The following THSD7A variants were observed in gnomAD, a reference collection of about 807,000 sequenced individuals.
The protein encoded by THSD7A is thrombospondin type-1 domain-containing protein 7A.
A neutral mutation model predicts 231.3 loss-of-function variants in THSD7A; 96 were observed. The ratio of observed to expected loss-of-function variants is 0.41; its 90% CI spans 0.35 to 0.49. The LOEUF (loss-of-function observed/expected upper bound fraction) is 0.49. Among genes scored for constraint, THSD7A ranks in the 20% least tolerant of loss-of-function variants. The pLI is 0.05. For missense variants in THSD7A, 2,290 were observed against 2,070.2 expected (o/e 1.11, Z -2.06); for synonymous variants, 940 against 743.3 (o/e 1.26, Z -4.30).
intron 1 of THSD7A, among the ~76,000 whole-genome samples, chr7:11,807,323 G>T (rs1277831203): frequency 1.3e-5 from 2 of 152,050 alleles, no homozygotes; most frequent in Non-Finnish European, 2.9e-5. Flanking sequence ...TTTCAAACTG[G>T]CTGTTAGCTA....
intron 6 of THSD7A, among the ~76,000 whole-genome samples, chr7:11,508,045 G>A (rs1787629927): frequency 6.6e-6 from 1 of 152,110 alleles, no homozygotes; most frequent in Admixed American, 6.5e-5. Context: ...GAGAGAGAGA[G>A]CAGGAAAAAC....
At chr7:11,458,912 G>T (rs1785401759) in intron 11 of THSD7A, among the ~76,000 whole-genome samples, 3 of 152,166 alleles carry the variant, frequency 2.0e-5, no homozygotes, top group Admixed American at 2.0e-4. Context: ...AACGTTTAAT[G>T]AAGACAGCAT....
At chr7:11,692,012 T>C (rs1056464939) in intron 1 of THSD7A, among the ~76,000 whole-genome samples, 1 of 151,640 alleles carries the variant, frequency 6.6e-6, no homozygotes, top group African/African-American at 2.4e-5. Flanking sequence ...ACTCCAATCA[T>C]AAAGACTGTG....
rs2128359259 is a variant in THSD7A at position 11,634,410 on chromosome 7, TGATAGCAGGAAAC to T, written c.1022+1707_1022+1719del. ...AAATGTCTACAGCATGCTAACCCAG[TGATAGCAGGAAAC>T]AACTCAACTTGTCTTGGAGACTCAT... On this transcript the variant is annotated intron_variant, in intron 2 of 27. Transcript: ENST00000423059. The surrounding 1 kb of genome is among the most constrained non-coding windows in gnomAD (Gnocchi z 4.1). Among the ~76,000 whole-genome samples, 1 of 152,192 alleles carries T rather than the reference TGATAGCAGGAAAC, an allele frequency of 6.6e-6. No individual in the cohort carries two copies. Among genetic ancestry groups the T allele is most frequent in the African/African-American group, 2.4e-5 (1 of 41,538 alleles).
chr7:11,511,604 G>C (rs1247083833), intron 6 of THSD7A, among the ~76,000 whole-genome samples: 1 of 152,098 alleles, frequency 6.6e-6, no homozygotes, highest in Non-Finnish European at 1.5e-5. Flanking sequence ...CAATGGAACA[G>C]AACAGAGCCC....
At chr7:11,722,449 T>C (rs537260719) in intron 1 of THSD7A, among the ~76,000 whole-genome samples, 1 of 151,896 alleles carries the variant, frequency 6.6e-6, no homozygotes, top group Admixed American at 6.6e-5. Context: ...TTTCTTAGAC[T>C]TTTGCATTCT....
At chr7:11,597,951 G>A (rs1313013122) in intron 2 of THSD7A, among the ~76,000 whole-genome samples, 1 of 152,160 alleles carries the variant, frequency 6.6e-6, no homozygotes, top group Non-Finnish European at 1.5e-5. Context: ...CCTATGATCA[G>A]TTGACAGAGG....
At chr7:11,829,659 T>C (rs1214134605) in intron 1 of THSD7A, among the ~76,000 whole-genome samples, 1 of 152,188 alleles carries the variant, frequency 6.6e-6, no homozygotes, top group East Asian at 1.9e-4. Flanking sequence ...CTCTTTATTT[T>C]CATCAAGTGA....
chr7:11,784,600 T>C lies in THSD7A; in HGVS notation c.190+47157A>G, dbSNP rs1783729494. On this transcript the variant is annotated intron_variant, in intron 1 of 27. Coordinates refer to ENST00000423059, the MANE Select transcript of THSD7A (RefSeq NM_015204.3). The stretch of plus-strand genomic sequence containing the variant: ...TGAATTATTACTATTTTTTCTAGGT[T>C]TATTTATTTTCCTTTCAAATGTACT... Among the ~76,000 whole-genome samples the C allele has an allele frequency of 2.0e-5, 3 of 152,040 alleles. No homozygotes were observed. The South Asian group carries it at 6.2e-4, about 31-fold the overall frequency.
At chr7:11,437,710 T>A (rs1784678898) in intron 13 of THSD7A, among the ~76,000 whole-genome samples, 1 of 152,068 alleles carries the variant, frequency 6.6e-6, no homozygotes, top group Non-Finnish European at 1.5e-5. Context: ...TAATTAAACA[T>A]GTTCTTCCTC....
intron 23 of THSD7A, among the ~76,000 whole-genome samples, chr7:11,392,808 C>T (rs1050442447): frequency 4.6e-5 from 7 of 152,184 alleles, no homozygotes; most frequent in African/African-American, 1.7e-4. Context: ...TCTGCAAAGC[C>T]CTTGTAGCCA....
intron 4 of THSD7A, among the ~76,000 whole-genome samples, chr7:11,569,323 C>G (rs1005106698): frequency 6.6e-6 from 1 of 152,010 alleles, no homozygotes; most frequent in Non-Finnish European, 1.5e-5. Flanking sequence ...AGGAACTCAA[C>G]TGCAATAATA....
intron 6 of THSD7A, among the ~76,000 whole-genome samples, chr7:11,539,071 G>A (rs1460136794): frequency 6.6e-6 from 1 of 152,116 alleles, no homozygotes; most frequent in Non-Finnish European, 1.5e-5. Flanking sequence ...ATGTATAGCT[G>A]CAGCCCAGGC....
At chr7:11,393,441 A>C (rs1333262724) in intron 23 of THSD7A, among the ~76,000 whole-genome samples, 1 of 152,210 alleles carries the variant, frequency 6.6e-6, no homozygotes, top group African/African-American at 2.4e-5. Context: ...CCAAAAACCC[A>C]AATGCTTCCT....
At chr7:11,789,122 C>A (rs566245654) in intron 1 of THSD7A, among the ~76,000 whole-genome samples, 1 of 151,798 alleles carries the variant, frequency 6.6e-6, no homozygotes, top group Admixed American at 6.6e-5. Flanking sequence ...TATACCCAGT[C>A]CCCCAAAGAT....
intron 1 of THSD7A, among the ~76,000 whole-genome samples, chr7:11,765,551 A>G (rs1783005938): frequency 6.6e-6 from 1 of 152,212 alleles, no homozygotes; most frequent in Non-Finnish European, 1.5e-5. Context: ...TATGGTTTGT[A>G]TAATAATTTG....
At chr7:11,490,539 T>G (rs572305040) in intron 6 of THSD7A, among the ~76,000 whole-genome samples, 27 of 152,088 alleles carry the variant, frequency 1.8e-4, no homozygotes, top group Non-Finnish European at 2.6e-4. Flanking sequence ...CCAACTATCA[T>G]GGTACATGTG....
At chr7:11,577,377 T>C in intron 4 of THSD7A, among the ~76,000 whole-genome samples, 1 of 152,110 alleles carries the variant, frequency 6.6e-6, no homozygotes, top group East Asian at 1.9e-4. Flanking sequence ...AGTGCAGTGG[T>C]GTGATCTTGG....
intron 1 of THSD7A, among the ~76,000 whole-genome samples, chr7:11,706,629 G>GTTTTTTTTTTTTT (rs1780775506): frequency 1.8e-5 from 1 of 54,396 alleles, no homozygotes; most frequent in Non-Finnish European, 3.8e-5. Flanking sequence ...TTAACAAGGT[G>GTTTTTTTTTTTTT]CTTTTTTTTT....
Sources: gnomAD v4.1 joint callset for allele counts (sites outside exome capture counted in the v4.1 genomes callset) on GRCh38, gnomAD v4.1.1 for gene constraint, Gnocchi (gnomAD v3.1) non-coding constraint, MANE v1.5 for transcripts, NCBI Gene and HGNC (gene_info 2026-07-23, HGNC 2026-07-21) for gene names.